MLIP: variants seen among roughly 807,000 people sequenced by gnomAD.
MLIP encodes muscular LMNA interacting protein.
MLIP carries 79 observed loss-of-function variants against 84.8 expected under a neutral mutation model. That is an observed-to-expected ratio of 0.93 (90% CI 0.78 to 1.12). The LOEUF (loss-of-function observed/expected upper bound fraction) is 1.12, where lower values mean the gene tolerates loss of function less well. Among genes scored for constraint, MLIP ranks in the 50% most tolerant of loss-of-function variants. The pLI is 0.00. For synonymous variants in MLIP, 504 were observed against 463.0 expected (o/e 1.09, Z -1.14); for missense variants, 1,257 against 1,160.6 (o/e 1.08, Z -1.21).
intron 11 of MLIP, 121 bp from the exon 12 acceptor site, chr6:54,230,593 G>A (rs1780921932): frequency 1.2e-6 from 1 of 822,582 alleles, no homozygotes; most frequent in African/African-American, 1.7e-5. Flanking sequence ...ACCATCTCAT[G>A]AGGAGAGGTT....
At chr6:54,216,337 C>T in intron 11 of MLIP, 1 of 985,230 alleles carries the variant, frequency 1.0e-6, no homozygotes, top group Non-Finnish European at 1.2e-6. Context: ...ACTGCTCCTC[C>T]ATCCTAAACA....
intron 1 of MLIP, among the ~76,000 whole-genome samples, chr6:54,118,865 G>C (rs1770187455): frequency 6.6e-6 from 1 of 152,110 alleles, no homozygotes; most frequent in African/African-American, 2.4e-5. Flanking sequence ...CATCTGAATA[G>C]ACATCTCTCA....
At chr6:54,252,770 A>T (rs577406051) in intron 12 of MLIP, among the ~76,000 whole-genome samples, 6 of 151,804 alleles carry the variant, frequency 4.0e-5, no homozygotes, top group Non-Finnish European at 8.8e-5. Flanking sequence ...AACCAGAAAA[A>T]CAAACCGGCA....
chr6:54,104,873 G>A (rs764294227), intron 1 of MLIP, among the ~76,000 whole-genome samples: 2 of 152,004 alleles, frequency 1.3e-5, no homozygotes, highest in Admixed American at 6.6e-5. Context: ...AAATAAATAC[G>A]GGAAACCACG....
Position 54,064,049 on chromosome 6 carries a change from A to T in MLIP, c.63+44958A>T, listed in dbSNP as rs1766133495. Among the ~76,000 whole-genome samples, 3 of 100,106 alleles carry T rather than the reference A, an allele frequency of 3.0e-5. 1 individual carries two copies. Among genetic ancestry groups the T allele is most frequent in the Non-Finnish European group, 8.6e-5 (3 of 34,862 alleles). 65.7% of individuals were successfully genotyped at this position (100,106 alleles called of 152,430 possible). ...TATTGATGATCCTTATTTTCTAACT[A>T]CTAAAAATTATTGGTTTTAGTTTGG... On this transcript the variant is annotated intron_variant, in intron 1 of 12. Transcript: ENST00000274897.
intron 12 of MLIP, among the ~76,000 whole-genome samples, chr6:54,246,954 G>A (rs1015547685): frequency 1.3e-5 from 2 of 152,028 alleles, no homozygotes; most frequent in African/African-American, 2.4e-5. Flanking sequence ...TTTTACGGCA[G>A]CAACACACTT....
At chr6:54,150,100 C>A (rs536501493) in intron 5 of MLIP, among the ~76,000 whole-genome samples, 2 of 152,086 alleles carry the variant, frequency 1.3e-5, no homozygotes, top group African/African-American at 2.4e-5. Context: ...CATTCTTATT[C>A]TTTTAGCATG....
intron 1 of MLIP, among the ~76,000 whole-genome samples, 183 bp downstream of exon 1, chr6:54,111,758 T>C (rs1769484896): frequency 6.6e-6 from 1 of 152,186 alleles, no homozygotes; most frequent in Non-Finnish European, 1.5e-5. Context: ...AAACTGCTCA[T>C]TGGGCAAAGA....
At chr6:54,193,953 G>A (rs1582463538) in intron 10 of MLIP, among the ~76,000 whole-genome samples, 1 of 152,098 alleles carries the variant, frequency 6.6e-6, no homozygotes, top group South Asian at 2.1e-4. Context: ...GGCAGTAGGG[G>A]AGCCTGGTTT....
intron 12 of MLIP, among the ~76,000 whole-genome samples, chr6:54,250,710 C>A (rs982085198): frequency 2.0e-5 from 3 of 152,058 alleles, no homozygotes; most frequent in African/African-American, 7.2e-5. Flanking sequence ...TACCCATCCA[C>A]CTGAATTTTC....
At chr6:54,254,750 T>C (rs542806803) in intron 12 of MLIP, among the ~76,000 whole-genome samples, 3,738 of 139,392 alleles carry the variant, frequency 0.027, 156 homozygotes, top group East Asian at 0.23. Flanking sequence ...CTCCCTTCCT[T>C]CCTTCCTTCC....
intron 1 of MLIP, among the ~76,000 whole-genome samples, chr6:54,025,136 G>T (rs549985985): frequency 4.0e-5 from 6 of 151,786 alleles, no homozygotes; most frequent in Non-Finnish European, 7.4e-5. Flanking sequence ...GGCGTGAGCC[G>T]TTGCGCCCGG....
At chr6:54,238,830 T>C (rs1437668383) in intron 12 of MLIP, among the ~76,000 whole-genome samples, 1 of 152,230 alleles carries the variant, frequency 6.6e-6, no homozygotes, top group African/African-American at 2.4e-5. Context: ...AAAAAAAAAT[T>C]ATTTCATGCC....
At chr6:54,206,273 C>T (rs1186996658) in intron 11 of MLIP, among the ~76,000 whole-genome samples, 1 of 151,884 alleles carries the variant, frequency 6.6e-6, no homozygotes, top group Admixed American at 6.6e-5. Flanking sequence ...TGTAAAAATC[C>T]TCTCTTTATA....
intron 11 of MLIP, among the ~76,000 whole-genome samples, chr6:54,210,768 G>A (rs941956862): frequency 2.0e-5 from 3 of 149,582 alleles, no homozygotes; most frequent in African/African-American, 7.3e-5. Flanking sequence ...TCAAATAAGG[G>A]CATCCTAAGT....
chr6:54,044,523 C>A (rs1764922830), intron 1 of MLIP, among the ~76,000 whole-genome samples: 1 of 152,140 alleles, frequency 6.6e-6, no homozygotes, highest in Non-Finnish European at 1.5e-5. Flanking sequence ...GGAAATATTT[C>A]AAGCACATAG....
Position 54,211,912 on chromosome 6 carries a change from A to G in MLIP, c.2718+9679A>G, listed in dbSNP as rs149941170. On this transcript the variant is annotated intron_variant, in intron 11 of 13. Transcript: ENST00000502396. ...TGCCAAGGGCAATTCAGTTCAACCAACATTGATTAGGTGCCTTCTTTTTGT... is the reference window on the plus strand; with the variant it reads ...TGCCAAGGGCAATTCAGTTCAACCAGCATTGATTAGGTGCCTTCTTTTTGT... 4.9e-3 allele frequency among the ~76,000 whole-genome samples: 741 copies of G among 152,260 alleles called. 4 individuals carry two copies. Among genetic ancestry groups the G allele is most frequent in the Non-Finnish European group, 8.1e-3 (554 of 68,028 alleles).
intron 1 of MLIP, among the ~76,000 whole-genome samples, chr6:54,058,593 G>T (rs1057154501): frequency 8.5e-5 from 13 of 152,156 alleles, no homozygotes; most frequent in Admixed American, 8.5e-4. Context: ...ATAAAAGGGA[G>T]GTAAACACAG....
chr6:54,095,404 TC>T (rs1178813870), intron 1 of MLIP, among the ~76,000 whole-genome samples: 1 of 152,184 alleles, frequency 6.6e-6, no homozygotes, highest in African/African-American at 2.4e-5. Flanking sequence ...TCATTTATTT[TC>T]ATTATTTTAA....
Sources: allele counts gnomAD v4.1 joint callset (sites outside exome capture counted in the v4.1 genomes callset), GRCh38; gene constraint gnomAD v4.1.1; transcripts MANE v1.5; gene names NCBI Gene and HGNC (gene_info 2026-07-23, HGNC 2026-07-21).